CREBBP: variants seen among roughly 807,000 people sequenced by gnomAD.
The protein encoded by CREBBP is CREB binding lysine acetyltransferase, also known as CREB-binding protein.
In CREBBP, 19 loss-of-function variants were observed where a neutral mutation model predicts 265.0. The ratio of observed to expected loss-of-function variants is 0.07; its 90% CI spans 0.05 to 0.11. The LOEUF (loss-of-function observed/expected upper bound fraction) is 0.11, where lower values mean the gene tolerates loss of function less well. CREBBP is among the 10% of genes least tolerant of loss of function. CREBBP has a pLI of 1.00. For synonymous variants in CREBBP, 1,457 were observed against 1,223.7 expected (o/e 1.19, Z -3.98); for missense variants, 2,525 against 3,219.0 (o/e 0.78, Z 5.22).
At chr16:3,843,855 T>C (rs181138538) in intron 2 of CREBBP, among the ~76,000 whole-genome samples, 1 of 152,188 alleles carries the variant, frequency 6.6e-6, no homozygotes, top group African/African-American at 2.4e-5. Flanking sequence ...AGAATAAATA[T>C]GAAAGACTTT....
intron 26 of CREBBP, among the ~76,000 whole-genome samples, chr16:3,737,809 T>C (rs2052105240): frequency 6.6e-6 from 1 of 151,092 alleles, no homozygotes; most frequent in Admixed American, 6.6e-5. Context: ...TTTTTTGAGA[T>C]GGAGTCTTGC....
chr16:3,859,642 A>G (rs2055032636), intron 1 of CREBBP, among the ~76,000 whole-genome samples: 1 of 152,100 alleles, frequency 6.6e-6, no homozygotes, highest in Non-Finnish European at 1.5e-5. Flanking sequence ...GGGAAGGGAG[A>G]GATACTAAAG....
chr16:3,731,629 CATG>C lies in CREBBP; in HGVS notation c.4890+144_4890+146del. 1.4e-6 allele frequency: 2 copies of C among 1,401,082 alleles called. No homozygotes were observed. Among genetic ancestry groups the C allele is most frequent in the Non-Finnish European group, 2.0e-6 (2 of 996,406 alleles). The allele number at this position is 1,401,082 out of a possible 1,614,324, so 86.8% of individuals were successfully genotyped here. A position where few individuals can be genotyped will look rare whatever the true frequency, so the allele number is the denominator to read the frequency against. ...ATGGAACAAAATTGGTGACACGTTG[CATG>C]ATGTCACCCAACTGGTCCACTTGGT... On this transcript the variant is annotated intron_variant, in intron 29 of 30. Coordinates refer to ENST00000262367, the MANE Select transcript of CREBBP (RefSeq NM_004380.3). The surrounding 1 kb of genome is among the most constrained non-coding windows in gnomAD (Gnocchi z 7.7).
rs1596780926 is a variant in CREBBP, at chr16:3,727,936, G to C, written c.7111C>G (p.Pro2371Ala). 3 of 1,609,082 alleles carry C rather than the reference G, an allele frequency of 1.9e-6. No individual in the cohort carries two copies. The highest frequency in any genetic ancestry group is 1.1e-5 in the South Asian group (1 of 90,570). Residue 2371 changes from proline to alanine, a missense_variant, in exon 31 of 31, where the codon CCT becomes GCT. Physicochemically the swap from Pro to Ala is conservative, Grantham distance 27. Coordinates refer to ENST00000262367, the MANE Select transcript of CREBBP (RefSeq NM_004380.3). ...TGGGGTGAGACGTGGTGTGGCGAAG[G>C]CTGGGGCTGTATCCGTGGTGACGGG... The part of the protein sequence containing the change: ...SSPSPRIQPQ[P>A]SPHHVSPQTG...
intron 1 of CREBBP, among the ~76,000 whole-genome samples, chr16:3,877,581 T>C (rs1035338280): frequency 6.6e-6 from 1 of 152,232 alleles, no homozygotes; most frequent in Non-Finnish European, 1.5e-5. Context: ...TTTTTGTATT[T>C]TGAGTACAGA....
chr16:3,727,689 G>A lies in CREBBP; in HGVS notation c.*29C>T. 1 of 1,613,790 alleles carries A rather than the reference G, an allele frequency of 6.2e-7. No homozygotes were observed. The highest frequency in any genetic ancestry group is 8.5e-7 in the Non-Finnish European group (1 of 1,179,980). Reference sequence around the variant, plus strand: ...TTCAGTACAAAAGGTCCAAGAACATGAAAGGGAAAAGGTGATGCTCTCACA... The same window carrying A: ...TTCAGTACAAAAGGTCCAAGAACATAAAAGGGAAAAGGTGATGCTCTCACA... On this transcript the variant is annotated 3_prime_UTR_variant, in exon 31 of 31. Coordinates refer to ENST00000262367, the MANE Select transcript of CREBBP (RefSeq NM_004380.3).
At position 3,757,328 on chromosome 16, in the gene CREBBP, T is replaced by C. The variant is rs2052610182; in HGVS notation, c.3658A>G (p.Thr1220Ala). 2 of 1,613,912 alleles carry C rather than the reference T, an allele frequency of 1.2e-6. No individual in the cohort carries two copies. Among genetic ancestry groups the C allele is most frequent in the Non-Finnish European group, 1.7e-6 (2 of 1,179,952 alleles). Residue 1220 changes from threonine to alanine, a missense_variant, in exon 19 of 31, where the codon ACC becomes GCC. Thr to Ala is a moderately conservative substitution (Grantham distance 58, BLOSUM62 0). Transcript: ENST00000262367. ...TAGTAGGCAGCATCGCGAGGAATGGTACACAGCTGCTTCCCATAGCAGCAC... is the reference window on the plus strand; with the variant it reads ...TAGTAGGCAGCATCGCGAGGAATGGCACACAGCTGCTTCCCATAGCAGCAC... ...TLCCYGKQLC[T>A]IPRDAAYYSY...
At chr16:3,846,798 G>A (rs768676091) in intron 2 of CREBBP, among the ~76,000 whole-genome samples, 3 of 152,126 alleles carry the variant, frequency 2.0e-5, no homozygotes, top group Non-Finnish European at 4.4e-5. Flanking sequence ...GCCTCTATAC[G>A]CATACATCAT....
chr16:3,870,024 T>C (rs571875498), intron 1 of CREBBP, among the ~76,000 whole-genome samples: 1 of 152,292 alleles, frequency 6.6e-6, no homozygotes, highest in African/African-American at 2.4e-5. Context: ...CCTATCAATA[T>C]GTTATGTCTT....
At chr16:3,818,426 G>C (rs1236586357) in intron 2 of CREBBP, among the ~76,000 whole-genome samples, 1 of 149,598 alleles carries the variant, frequency 6.7e-6, no homozygotes, top group East Asian at 2.0e-4. Flanking sequence ...TCCCGTCTCA[G>C]CCTCCTGAGT....
intron 5 of CREBBP, among the ~76,000 whole-genome samples, chr16:3,788,131 C>T (rs1014323741): frequency 4.6e-5 from 7 of 152,108 alleles, no homozygotes; most frequent in East Asian, 1.9e-4. Context: ...GCTCTGGGGC[C>T]GACCCTGCAC....
chr16:3,757,518 GAC>G, intron 18 of CREBBP, 142 bp from the exon 19 acceptor site: 1 of 881,864 alleles, frequency 1.1e-6, no homozygotes, highest in Non-Finnish European at 1.8e-6. Context: ...TAGCTTTAAA[GAC>G]ATTTTGGGAT....
chr16:3,835,287 TAATA>T (rs771371942), intron 2 of CREBBP, among the ~76,000 whole-genome samples: 1 of 152,158 alleles, frequency 6.6e-6, no homozygotes, highest in Non-Finnish European at 1.5e-5. Flanking sequence ...AAGGGCCAGT[TAATA>T]AATAATTTAG....
intron 30 of CREBBP, among the ~76,000 whole-genome samples, chr16:3,730,888 A>G (rs567086312): frequency 6.6e-6 from 1 of 152,330 alleles, no homozygotes; most frequent in South Asian, 2.1e-4. Flanking sequence ...CAAGCTGCCA[A>G]CAGGACAGCG....
At chr16:3,742,100 AAAAAAAAC>A (rs2052229273) in intron 23 of CREBBP, 1 of 117,688 alleles carries the variant, frequency 8.5e-6, no homozygotes, top group Non-Finnish European at 1.5e-5. Flanking sequence ...AACAAAACAA[AAAAAAAAC>A]AAAAAAACCC....
At chr16:3,778,615 C>G (rs1255693751) in intron 9 of CREBBP, 85 bp downstream of exon 9, 1 of 1,156,554 alleles carries the variant, frequency 8.6e-7, no homozygotes, top group Middle Eastern at 2.0e-4. Flanking sequence ...ATAGATTCCA[C>G]TATTTCCAGA....
At chr16:3,764,968 GTTTTGTTTTTGT>G (rs527701845) in intron 16 of CREBBP, among the ~76,000 whole-genome samples, 24 of 148,694 alleles carry the variant, frequency 1.6e-4, no homozygotes, top group South Asian at 8.6e-4. Flanking sequence ...TTTTTTTTTT[GTTTTGTTTTTGT>G]TTTTGTTTTT....
Position 3,780,850 on chromosome 16 carries a change from C to T in CREBBP, c.1705G>A (p.Gly569Ser). 1 of 1,613,578 alleles carries T rather than the reference C, an allele frequency of 6.2e-7. No homozygotes were observed. Among genetic ancestry groups the T allele is most frequent in the Non-Finnish European group, 8.5e-7 (1 of 1,180,012 alleles). The change falls in exon 8 of 31, where the codon GGT becomes AGT. Residue 569 changes from glycine to serine, a missense_variant. This residue lies in a region of CREBBP where 144 missense variants were observed against 134.0 expected (regional missense o/e 1.07). Coordinates refer to ENST00000262367, the MANE Select transcript of CREBBP (RefSeq NM_004380.3). ...NPLMNDGSNS[G>S]NIGTLSTIPT... ...ATAGTGCTGAGGGTTCCAATGTTAC[C>T]AGAGTTGGAGCCATCGTTCATCAGT...
At chr16:3,740,646 G>A (rs1226266301) in intron 23 of CREBBP, 97 bp from the exon 24 acceptor site, 2 of 1,400,300 alleles carry the variant, frequency 1.4e-6, no homozygotes, top group East Asian at 2.3e-5. Context: ...AGCACAGGCT[G>A]ATATTTTAAA....
Sources: gnomAD v4.1 joint callset for allele counts (sites outside exome capture counted in the v4.1 genomes callset) on GRCh38, gnomAD v4.1.1 for gene constraint, gnomAD v4.1.1 regional missense constraint, Gnocchi (gnomAD v3.1) non-coding constraint, MANE v1.5 for transcripts, NCBI Gene and HGNC (gene_info 2026-07-23, HGNC 2026-07-21) for gene names.